The following RAB3C variants were observed in gnomAD, a reference collection of about 807,000 sequenced individuals.
RAB3C encodes the protein ras-related protein Rab-3C.
In RAB3C, 17 loss-of-function variants were observed where a neutral mutation model predicts 26.4. The observed-to-expected ratio is 0.64, with a 90% CI of 0.44 to 0.97. The LOEUF is 0.97. Ranked by LOEUF, RAB3C falls within the 50% of genes least tolerant of loss-of-function variation. The pLI is 0.00. For synonymous variants in RAB3C, 91 were observed against 95.9 expected (o/e 0.95, Z 0.30); for missense variants, 242 against 281.9 (o/e 0.86, Z 1.01).
intron 1 of RAB3C, among the ~76,000 whole-genome samples, chr5:58,605,802 G>C (rs1746552806): frequency 6.6e-6 from 1 of 152,186 alleles, no homozygotes. Flanking sequence ...CTACTTGGGA[G>C]GCTGAGACAG....
intron 1 of RAB3C, among the ~76,000 whole-genome samples, chr5:58,604,503 G>A (rs1746519711): frequency 6.6e-6 from 1 of 152,170 alleles, no homozygotes; most frequent in Admixed American, 6.6e-5. Flanking sequence ...TGTGGGGCAT[G>A]GGGGTGAGAT....
intron 2 of RAB3C, among the ~76,000 whole-genome samples, chr5:58,624,626 G>T (rs139302418): frequency 1.6e-4 from 25 of 152,248 alleles, no homozygotes; most frequent in African/African-American, 5.5e-4. Flanking sequence ...TACTTTTGTC[G>T]AAAATTTACC....
chr5:58,645,577 GGAA>G (rs1449631520), intron 2 of RAB3C, among the ~76,000 whole-genome samples: 12 of 152,146 alleles, frequency 7.9e-5, no homozygotes, highest in African/African-American at 2.9e-4. Flanking sequence ...TGTTCAAAGA[GGAA>G]GAAGATAAAG....
intron 2 of RAB3C, among the ~76,000 whole-genome samples, chr5:58,702,041 C>G (rs1306217908): frequency 3.3e-5 from 5 of 152,158 alleles, no homozygotes; most frequent in African/African-American, 1.2e-4. Context: ...CATTTTCCTG[C>G]ATGGAGCACT....
chr5:58,810,059 G>C (rs934998392), intron 3 of RAB3C, among the ~76,000 whole-genome samples: 1 of 152,178 alleles, frequency 6.6e-6, no homozygotes, highest in Non-Finnish European at 1.5e-5. Flanking sequence ...GGCTGGGGCA[G>C]CCACCCAGCA....
chr5:58,738,562 A>G (rs1007388477), intron 3 of RAB3C, among the ~76,000 whole-genome samples: 3 of 152,194 alleles, frequency 2.0e-5, no homozygotes, highest in African/African-American at 7.2e-5. Context: ...GGTCAACTCA[A>G]CTGTACTTTG....
At chr5:58,718,860 T>C (rs1191899759) in intron 2 of RAB3C, among the ~76,000 whole-genome samples, 1 of 152,046 alleles carries the variant, frequency 6.6e-6, no homozygotes, top group Non-Finnish European at 1.5e-5. Flanking sequence ...GATTAACTGC[T>C]CTAGGGAAAA....
chr5:58,778,515 C>T (rs1057047654), intron 3 of RAB3C, among the ~76,000 whole-genome samples: 2 of 152,112 alleles, frequency 1.3e-5, no homozygotes, highest in African/African-American at 4.8e-5. Context: ...TAATCCAGTG[C>T]TGCATGAGTT....
intron 3 of RAB3C, among the ~76,000 whole-genome samples, chr5:58,739,790 C>T (rs747904742): frequency 1.3e-5 from 2 of 152,218 alleles, no homozygotes; most frequent in African/African-American, 2.4e-5. Context: ...ATCTTATGGT[C>T]TCTACTTACA....
intron 3 of RAB3C, among the ~76,000 whole-genome samples, chr5:58,735,160 T>C (rs1393744289): frequency 6.6e-6 from 1 of 152,188 alleles, no homozygotes; most frequent in East Asian, 1.9e-4. Flanking sequence ...TGAGGGCTAT[T>C]TAAAGCAGCA....
intron 2 of RAB3C, among the ~76,000 whole-genome samples, chr5:58,671,315 A>G (rs159009): frequency 0.35 from 52,565 of 152,032 alleles, 9,472 homozygotes; most frequent in East Asian, 0.42. Flanking sequence ...GCAGATCAGG[A>G]AAGTTCAATA....
intron 4 of RAB3C, among the ~76,000 whole-genome samples, chr5:58,841,757 A>T (rs897064097): frequency 6.6e-6 from 1 of 152,172 alleles, no homozygotes; most frequent in Non-Finnish European, 1.5e-5. Context: ...CTCCAGGCAG[A>T]TCTGATCCAG....
At chr5:58,839,970 G>A (rs945186476) in intron 4 of RAB3C, among the ~76,000 whole-genome samples, 1 of 151,016 alleles carries the variant, frequency 6.6e-6, no homozygotes, top group African/African-American at 2.4e-5. Context: ...GTCCTATAGG[G>A]GTTCTGTGAG....
chr5:58,653,033 A>G (rs760608931), intron 2 of RAB3C, among the ~76,000 whole-genome samples: 1 of 152,216 alleles, frequency 6.6e-6, no homozygotes, highest in African/African-American at 2.4e-5. Context: ...CAGGTTTGTT[A>G]CATAGGTATA....
intron 3 of RAB3C, chr5:58,817,150 T>A (rs919787591): frequency 6.6e-6 from 1 of 152,194 alleles, no homozygotes; most frequent in Admixed American, 6.5e-5. Context: ...GGGAAGGACA[T>A]AATGACTAAG....
intron 3 of RAB3C, among the ~76,000 whole-genome samples, chr5:58,736,168 C>G (rs921132843): frequency 2.0e-5 from 3 of 152,210 alleles, no homozygotes; most frequent in Non-Finnish European, 2.9e-5. Context: ...CAGCATTGCA[C>G]CATTCCTAGC....
chr5:58,813,245 A>C (rs1743126803), intron 3 of RAB3C, among the ~76,000 whole-genome samples: 1 of 152,210 alleles, frequency 6.6e-6, no homozygotes, highest in African/African-American at 2.4e-5. Context: ...CTGAATTTAC[A>C]TATTATTCAT....
chr5:58,661,647 G>T (rs1022284387), intron 2 of RAB3C, among the ~76,000 whole-genome samples: 5 of 146,012 alleles, frequency 3.4e-5, no homozygotes, highest in African/African-American at 1.1e-4. Flanking sequence ...ATCTAGTGTG[G>T]TGGCAATGCT....
chr5:58,691,097 TAA>T (rs566480783), intron 2 of RAB3C, among the ~76,000 whole-genome samples: 2 of 144,664 alleles, frequency 1.4e-5, no homozygotes, highest in Non-Finnish European at 1.5e-5. Context: ...CAATTTCCAG[TAA>T]AAAAAAAAAA....
Sources: allele counts gnomAD v4.1 joint callset (sites outside exome capture counted in the v4.1 genomes callset), GRCh38; gene constraint gnomAD v4.1.1; transcripts MANE v1.5; gene names NCBI Gene and HGNC (gene_info 2026-07-23, HGNC 2026-07-21).